SMARCC1: variants seen among roughly 807,000 people sequenced by gnomAD.
SMARCC1 encodes the protein SWI/SNF complex subunit SMARCC1.
A neutral mutation model predicts 147.4 loss-of-function variants in SMARCC1; 43 were observed. That is an observed-to-expected ratio of 0.29 (90% CI 0.23 to 0.38). The LOEUF (loss-of-function observed/expected upper bound fraction) is 0.38, where lower values mean the gene tolerates loss of function less well. Ranked by LOEUF, SMARCC1 falls within the 10% of genes least tolerant of loss-of-function variation. The pLI, the probability that SMARCC1 is intolerant of heterozygous loss-of-function variation, is 1.00. For synonymous variants in SMARCC1, 495 were observed against 484.4 expected (o/e 1.02, Z -0.29); for missense variants, 1,119 against 1,381.1 (o/e 0.81, Z 3.01).
At chr3:47,663,583 T>A in intron 19 of SMARCC1, 1 of 1,391,144 alleles carries the variant, frequency 7.2e-7, no homozygotes, top group South Asian at 1.2e-5. Flanking sequence ...CTGTCTTAGG[T>A]CGCGATTTTC....
At position 47,587,973 on chromosome 3, in the gene SMARCC1, A is replaced by C; in HGVS notation, c.*236T>G. On this transcript the variant is annotated 3_prime_UTR_variant, in exon 28 of 28. Coordinates refer to ENST00000254480, the MANE Select transcript of SMARCC1 (RefSeq NM_003074.4). ...GGACAGGGGAGATGCAGGTTATTTTAAGGATGACCAGGGCACACTGTCACT... is the reference window on the plus strand; with the variant it reads ...GGACAGGGGAGATGCAGGTTATTTTCAGGATGACCAGGGCACACTGTCACT... The C allele has an allele frequency of 1.9e-6, 1 of 517,816 alleles. No individual in the cohort carries two copies. Among genetic ancestry groups the C allele is most frequent in the Non-Finnish European group, 3.4e-6 (1 of 293,298 alleles). The allele number at this position is 517,816 out of a possible 1,614,324, so 32.1% of individuals were successfully genotyped here.
At chr3:47,667,484 G>A (rs934309265) in intron 19 of SMARCC1, among the ~76,000 whole-genome samples, 12 of 152,168 alleles carry the variant, frequency 7.9e-5, no homozygotes, top group Non-Finnish European at 1.3e-4. Flanking sequence ...GAGCTATCAC[G>A]GGAGAATCAG....
intron 24 of SMARCC1, among the ~76,000 whole-genome samples, chr3:47,632,870 C>G (rs1050382185): frequency 2.0e-5 from 3 of 151,674 alleles, no homozygotes; most frequent in Non-Finnish European, 4.4e-5. Context: ...AAATTGCAGC[C>G]AGAGAGAGAT....
intron 7 of SMARCC1, among the ~76,000 whole-genome samples, chr3:47,715,188 G>A (rs1234227796): frequency 6.6e-6 from 1 of 151,888 alleles, no homozygotes; most frequent in Non-Finnish European, 1.5e-5. Context: ...CCAAATATAC[G>A]CTGATGACTT....
Position 47,781,877 on chromosome 3 carries a change from C to A in SMARCC1, c.-80G>T. 1 of 997,682 alleles carries A rather than the reference C, an allele frequency of 1.0e-6. No homozygotes were observed. The highest frequency in any genetic ancestry group is 3.4e-4 in the Middle Eastern group (1 of 2,958). 61.8% of individuals were successfully genotyped at this position (997,682 alleles called of 1,614,324 possible). On this transcript the variant is annotated 5_prime_UTR_variant, in exon 1 of 28. Transcript: ENST00000254480. ...CCGGTCGTTCCCGCGCGCACCCCCGCGCGCGTAGCCGCCACTGCCGCTTCC... is the reference window on the plus strand; with the variant it reads ...CCGGTCGTTCCCGCGCGCACCCCCGAGCGCGTAGCCGCCACTGCCGCTTCC...
In SMARCC1 at chr3:47,610,134, G is replaced by C; in HGVS notation, c.2975C>G (p.Pro992Arg). 1 of 1,613,774 alleles carries C rather than the reference G, an allele frequency of 6.2e-7. No individual in the cohort carries two copies. The highest frequency in any genetic ancestry group is 2.2e-5 in the East Asian group (1 of 44,884). ...AGGGTAGGGAGGGGGCTGTTGATGA[G>C]GCATCATGCCAGGGTGCCCTGCTGC... ...LGAAGHPGMM[P>R]HQQPPPYPLM... Residue 992 changes from proline to arginine, a missense_variant, in exon 26 of 28, where the codon CCT becomes CGT. By Grantham distance (103) the Pro-to-Arg change is moderately radical. Around this residue, in one of 6 missense-constraint regions of SMARCC1, gnomAD observed 186 missense variants for 216.5 expected, o/e 0.86. Transcript: ENST00000254480.
In SMARCC1 at chr3:47,590,645, C is replaced by G. The variant is rs752545707; in HGVS notation, c.3220+16G>C. 2.3e-5 allele frequency: 34 copies of G among 1,497,090 alleles called. No homozygotes were observed. In the Admixed American group the frequency reaches 4.3e-4, roughly 19 times the overall value. 92.7% of individuals were successfully genotyped at this position (1,497,090 alleles called of 1,614,324 possible). ...ACGGACCCTGAGATAATGCATCCCC[C>G]CTCCATGTTACTTACACATGCCGTT... On this transcript the variant is annotated intron_variant, in intron 27 of 27. Coordinates refer to ENST00000254480, the MANE Select transcript of SMARCC1 (RefSeq NM_003074.4).
chr3:47,778,958 A>G (rs1320368009), intron 1 of SMARCC1, among the ~76,000 whole-genome samples: 2 of 152,178 alleles, frequency 1.3e-5, no homozygotes, highest in African/African-American at 2.4e-5. Context: ...ACTGCACTCC[A>G]GCCTGGGCAA....
chr3:47,655,705 C>T (rs2033252594), intron 21 of SMARCC1, among the ~76,000 whole-genome samples: 1 of 151,052 alleles, frequency 6.6e-6, no homozygotes, highest in Non-Finnish European at 1.5e-5. Context: ...TGTCTCAAAA[C>T]AAAAAATAAT....
At chr3:47,632,967 TAAA>T (rs35876011) in intron 24 of SMARCC1, among the ~76,000 whole-genome samples, 15 of 146,146 alleles carry the variant, frequency 1.0e-4, no homozygotes, top group East Asian at 2.0e-4. Flanking sequence ...TATATGAAGT[TAAA>T]AAAAAAAAAA....
chr3:47,684,758 A>G (rs2033700366), intron 14 of SMARCC1, among the ~76,000 whole-genome samples: 1 of 151,992 alleles, frequency 6.6e-6, no homozygotes, highest in African/African-American at 2.4e-5. Flanking sequence ...TTTCCTTTAT[A>G]TAAAGTAGTC....
chr3:47,675,918 C>CG (rs1553682443), intron 17 of SMARCC1, among the ~76,000 whole-genome samples: 3 of 149,278 alleles, frequency 2.0e-5, no homozygotes, highest in Non-Finnish European at 4.4e-5. Context: ...GCACTCCAGC[C>CG]GGGGGAACAG....
intron 2 of SMARCC1, among the ~76,000 whole-genome samples, chr3:47,753,841 GA>G (rs1316691663): frequency 6.6e-6 from 1 of 151,836 alleles, no homozygotes; most frequent in African/African-American, 2.4e-5. Flanking sequence ...GACTGTGCCA[GA>G]AAAGGGATGT....
intron 22 of SMARCC1, among the ~76,000 whole-genome samples, chr3:47,636,962 A>ACT (rs1397155681): frequency 6.6e-6 from 1 of 152,216 alleles, no homozygotes; most frequent in Non-Finnish European, 1.5e-5. Context: ...ATCTGCTAAT[A>ACT]ATTTCAGGAA....
intron 21 of SMARCC1, among the ~76,000 whole-genome samples, chr3:47,646,958 G>A (rs185086697): frequency 6.6e-6 from 1 of 152,158 alleles, no homozygotes; most frequent in African/African-American, 2.4e-5. Flanking sequence ...CTTCCCTAAT[G>A]GACCCAAGCA....
chr3:47,781,834 C>T lies in SMARCC1; in HGVS notation c.-37G>A. 7.8e-7 allele frequency: 1 copy of T among 1,288,628 alleles called. No individual in the cohort carries two copies. The highest frequency in any genetic ancestry group is 9.9e-7 in the Non-Finnish European group (1 of 1,013,312). The allele number at this position is 1,288,628 out of a possible 1,614,324, so 79.8% of individuals were successfully genotyped here. A position where few individuals can be genotyped will look rare whatever the true frequency, so the allele number is the denominator to read the frequency against. On this transcript the variant is annotated 5_prime_UTR_variant, in exon 1 of 28. Transcript: ENST00000254480. Reference sequence around the variant, plus strand: ...GTCGTCCCCACAGCCTGGCCCACCCCGGCCCTCGCGGTGTTTCCCGGTCGT... The same window carrying T: ...GTCGTCCCCACAGCCTGGCCCACCCTGGCCCTCGCGGTGTTTCCCGGTCGT...
intron 22 of SMARCC1, among the ~76,000 whole-genome samples, chr3:47,636,391 T>C (rs1481032884): frequency 6.6e-6 from 1 of 152,216 alleles, no homozygotes; most frequent in Non-Finnish European, 1.5e-5. Context: ...CATACTCTGC[T>C]ATAAAGCAAG....
At position 47,635,413 on chromosome 3, in the gene SMARCC1, A is replaced by AG. The variant is rs2032956044; in HGVS notation, c.2492-70_2492-69insC. The AG allele has an allele frequency of 8.2e-6, 10 of 1,222,676 alleles. No homozygotes were observed. In the South Asian group the frequency reaches 1.1e-4, roughly 14 times the overall value. 75.7% of individuals were successfully genotyped at this position (1,222,676 alleles called of 1,614,324 possible). A position where few individuals can be genotyped will look rare whatever the true frequency, so the allele number is the denominator to read the frequency against. On this transcript the variant is annotated intron_variant, in intron 23 of 27. Transcript: ENST00000254480. The stretch of plus-strand genomic sequence containing the variant: ...AAAACCCATCTTTCTCCTTACCTCC[A>AG]CCACTATAACAAACTAGGACTGATA...
intron 26 of SMARCC1, among the ~76,000 whole-genome samples, chr3:47,594,998 T>A (rs1559621297): frequency 6.6e-6 from 1 of 152,192 alleles, no homozygotes; most frequent in Non-Finnish European, 1.5e-5. Context: ...GAATGTTACA[T>A]AAGTGGAAGC....
Sources: allele counts gnomAD v4.1 joint callset (sites outside exome capture counted in the v4.1 genomes callset), GRCh38; gene constraint gnomAD v4.1.1; regional missense constraint gnomAD v4.1.1; transcripts MANE v1.5; gene names NCBI Gene and HGNC (gene_info 2026-07-23, HGNC 2026-07-21).